The following DSCAM variants were observed in gnomAD, a reference collection of about 807,000 sequenced individuals.
The protein encoded by DSCAM is DS cell adhesion molecule, also known as cell adhesion molecule DSCAM.
In DSCAM, 47 loss-of-function variants were observed where a neutral mutation model predicts 217.7. The ratio of observed to expected loss-of-function variants is 0.22; its 90% CI spans 0.17 to 0.28. The LOEUF (loss-of-function observed/expected upper bound fraction) is 0.28. Among genes scored for constraint, DSCAM ranks in the 10% least tolerant of loss-of-function variants. The pLI is 1.00. For synonymous variants in DSCAM, 1,056 were observed against 1,015.3 expected, an observed-to-expected ratio of 1.04 and a Z score of -0.76; for missense variants, 2,080 against 2,618.3, an observed-to-expected ratio of 0.79 and a Z score of 4.49.
At chr21:40,194,630 G>T (rs537082158) in intron 11 of DSCAM, among the ~76,000 whole-genome samples, 3 of 152,268 alleles carry the variant, frequency 2.0e-5, no homozygotes, top group Admixed American at 6.5e-5. Context: ...TTATAAATTT[G>T]CTTCATAAAC....
intron 3 of DSCAM, among the ~76,000 whole-genome samples, chr21:40,679,815 G>C (rs1331024583): frequency 6.6e-6 from 1 of 152,070 alleles, no homozygotes; most frequent in African/African-American, 2.4e-5. Flanking sequence ...CTTTTATGTT[G>C]AAATTGAAGG....
intron 3 of DSCAM, among the ~76,000 whole-genome samples, chr21:40,620,007 GA>G (rs1203705210): frequency 1.2e-5 from 1 of 81,664 alleles, no homozygotes; most frequent in Non-Finnish European, 2.6e-5. Flanking sequence ...GAAAGAGAGA[GA>G]AAAAAGAAAA....
At chr21:40,741,324 G>A (rs2091121309) in intron 1 of DSCAM, among the ~76,000 whole-genome samples, 1 of 152,108 alleles carries the variant, frequency 6.6e-6, no homozygotes, top group Non-Finnish European at 1.5e-5. Flanking sequence ...TGGACAAATG[G>A]GTGCTTAATA....
At chr21:40,214,378 T>C (rs577551385) in intron 11 of DSCAM, among the ~76,000 whole-genome samples, 21 of 152,222 alleles carry the variant, frequency 1.4e-4, no homozygotes, top group Non-Finnish European at 3.1e-4. Flanking sequence ...TTGGAGCCTA[T>C]AAAGAAAGAT....
intron 24 of DSCAM, among the ~76,000 whole-genome samples, chr21:40,082,266 C>A (rs1487163992): frequency 6.6e-6 from 1 of 152,152 alleles, no homozygotes; most frequent in Non-Finnish European, 1.5e-5. Context: ...TGAGACCATC[C>A]TGGCTAACAT....
At chr21:40,769,920 T>C (rs1019792238) in intron 1 of DSCAM, among the ~76,000 whole-genome samples, 1 of 152,158 alleles carries the variant, frequency 6.6e-6, no homozygotes, top group Admixed American at 6.5e-5. Flanking sequence ...CATCCACTGA[T>C]CCCCACCTCA....
intron 4 of DSCAM, among the ~76,000 whole-genome samples, chr21:40,359,385 G>A: frequency 6.6e-6 from 1 of 152,056 alleles, no homozygotes; most frequent in East Asian, 1.9e-4. Context: ...GTGTATTGTG[G>A]TATACTTGCC....
intron 27 of DSCAM, among the ~76,000 whole-genome samples, chr21:40,071,074 G>A (rs188136340): frequency 2.6e-5 from 4 of 152,252 alleles, no homozygotes; most frequent in African/African-American, 4.8e-5. Context: ...GCGTAAATGC[G>A]TACCAAAGGA....
chr21:40,485,434 G>A, intron 3 of DSCAM, among the ~76,000 whole-genome samples: 1 of 151,352 alleles, frequency 6.6e-6, no homozygotes. Flanking sequence ...AGTAGAGACG[G>A]GGTTTCACCG....
chr21:40,045,827 G>A (rs973561911), intron 30 of DSCAM, among the ~76,000 whole-genome samples: 4 of 152,180 alleles, frequency 2.6e-5, no homozygotes, highest in Non-Finnish European at 5.9e-5. Context: ...TTATTGCACC[G>A]ATTTATTTAT....
intron 29 of DSCAM, among the ~76,000 whole-genome samples, chr21:40,053,914 CA>C (rs1250248175): frequency 5.9e-5 from 9 of 152,168 alleles, no homozygotes; most frequent in African/African-American, 1.9e-4. Context: ...ACGCATTTAG[CA>C]AATATTGTAA....
chr21:40,628,655 T>G (rs2089636560), intron 3 of DSCAM, among the ~76,000 whole-genome samples: 2 of 152,346 alleles, frequency 1.3e-5, no homozygotes, highest in South Asian at 4.1e-4. Flanking sequence ...AGTTAATAGA[T>G]GAAAAACATT....
intron 15 of DSCAM, among the ~76,000 whole-genome samples, chr21:40,173,601 A>G (rs967144661): frequency 1.1e-4 from 16 of 152,242 alleles, no homozygotes; most frequent in Non-Finnish European, 1.8e-4. Flanking sequence ...GAACACATTG[A>G]TGCCGCCCTC....
At chr21:40,756,914 G>C (rs74809758) in intron 1 of DSCAM, among the ~76,000 whole-genome samples, 6,749 of 152,216 alleles carry the variant, frequency 0.044, 144 homozygotes, top group Middle Eastern at 0.085. Context: ...TCCCAAGTCT[G>C]TGCGATTTAT....
chr21:40,198,990 A>C (rs955524508), intron 11 of DSCAM, among the ~76,000 whole-genome samples: 37 of 152,208 alleles, frequency 2.4e-4, no homozygotes, highest in Non-Finnish European at 3.4e-4. Context: ...TCCAGTAGAA[A>C]GAAACAGCCC....
intron 2 of DSCAM, among the ~76,000 whole-genome samples, chr21:40,705,955 C>A (rs549651653): frequency 8.2e-4 from 124 of 152,114 alleles, no homozygotes; most frequent in African/African-American, 2.9e-3. Context: ...CCGAGGTGGG[C>A]AGATCACGAG....
chr21:40,113,785 C>A (rs972026465), intron 20 of DSCAM, among the ~76,000 whole-genome samples: 17 of 152,130 alleles, frequency 1.1e-4, no homozygotes, highest in African/African-American at 2.9e-4. Flanking sequence ...AACAGAGAGC[C>A]AAATCATGAC....
At chr21:40,481,965 A>T (rs2075987060) in intron 3 of DSCAM, among the ~76,000 whole-genome samples, 1 of 152,230 alleles carries the variant, frequency 6.6e-6, no homozygotes, top group Non-Finnish European at 1.5e-5. Context: ...TGTCACCCAT[A>T]GAGGCGATTC....
chr21:40,312,472 G>T, intron 8 of DSCAM, 113 bp from the exon 9 acceptor site: 1 of 1,193,224 alleles, frequency 8.4e-7, no homozygotes, highest in Non-Finnish European at 1.1e-6. Context: ...ATACAGCATA[G>T]AAATACAGGA....
Sources: gnomAD v4.1 joint callset for allele counts (sites outside exome capture counted in the v4.1 genomes callset) on GRCh38, gnomAD v4.1.1 for gene constraint, MANE v1.5 for transcripts, NCBI Gene and HGNC (gene_info 2026-07-23, HGNC 2026-07-21) for gene names.